The following WWOX variants were observed in gnomAD, a reference collection of about 807,000 sequenced individuals.
WWOX encodes WW domain containing oxidoreductase.
In WWOX, 69 loss-of-function variants were observed where a neutral mutation model predicts 46.2. The observed-to-expected ratio is 1.49, with a 90% CI of 1.23 to 1.82. WWOX has a LOEUF of 1.82. Ranked by LOEUF, WWOX falls within the 40% of genes most tolerant of loss-of-function variation. The pLI is 0.00. For missense variants in WWOX, 919 were observed against 542.6 expected, an observed-to-expected ratio of 1.69 and a Z score of -6.89; for synonymous variants, 359 against 202.6, an observed-to-expected ratio of 1.77 and a Z score of -6.56.
intron 8 of WWOX, among the ~76,000 whole-genome samples, chr16:79,143,293 T>C (rs539626326): frequency 6.6e-6 from 1 of 152,354 alleles, no homozygotes; most frequent in African/African-American, 2.4e-5. Context: ...TGTCAGTATA[T>C]ATTACAAAAA....
chr16:79,206,622 C>G (rs1259731381), intron 8 of WWOX: 1 of 152,190 alleles, frequency 6.6e-6, no homozygotes, highest in East Asian at 1.9e-4. Context: ...ACTGAAAAAG[C>G]CGGGCAGTTT....
At chr16:78,870,447 C>T (rs1053763090) in intron 8 of WWOX, among the ~76,000 whole-genome samples, 14 of 151,880 alleles carry the variant, frequency 9.2e-5, no homozygotes, top group Non-Finnish European at 1.3e-4. Context: ...TGGGGATAAC[C>T]GGAATTGATA....
chr16:78,947,465 C>T (rs891253994), intron 8 of WWOX, among the ~76,000 whole-genome samples: 2 of 152,192 alleles, frequency 1.3e-5, no homozygotes, highest in Admixed American at 6.5e-5. Context: ...AGGAAACGCT[C>T]TCTTCTTCTT....
At chr16:78,491,707 G>A (rs1717282379) in intron 8 of WWOX, among the ~76,000 whole-genome samples, 1 of 152,144 alleles carries the variant, frequency 6.6e-6, no homozygotes, top group African/African-American at 2.4e-5. Context: ...CCATCAAAAT[G>A]GGAATCACTG....
intron 8 of WWOX, among the ~76,000 whole-genome samples, chr16:78,565,976 C>T (rs1169814906): frequency 4.7e-5 from 7 of 147,502 alleles, no homozygotes; most frequent in African/African-American, 1.5e-4. Flanking sequence ...ATGGCTTTAA[C>T]ATAATACCAT....
chr16:78,624,223 C>G (rs76763470), intron 8 of WWOX, among the ~76,000 whole-genome samples: 2 of 102,074 alleles, frequency 2.0e-5, no homozygotes, highest in Non-Finnish European at 4.1e-5. Context: ...TTTTTTTTTT[C>G]GTGGAATCAT....
chr16:78,174,127 A>C (rs1270532507), intron 5 of WWOX, among the ~76,000 whole-genome samples: 1 of 152,204 alleles, frequency 6.6e-6, no homozygotes, highest in African/African-American at 2.4e-5. Context: ...ACACTGTATT[A>C]GTCCATTTTC....
chr16:78,939,641 T>C (rs1276799923), intron 8 of WWOX, among the ~76,000 whole-genome samples: 1 of 152,262 alleles, frequency 6.6e-6, no homozygotes, highest in African/African-American at 2.4e-5. Context: ...AATGATCAAA[T>C]ATCGAATTAT....
intron 6 of WWOX, among the ~76,000 whole-genome samples, chr16:78,403,683 C>T (rs1193120040): frequency 2.0e-5 from 3 of 152,200 alleles, no homozygotes; most frequent in African/African-American, 7.2e-5. Context: ...CTGGATGAGG[C>T]ACTGCTTCGC....
intron 8 of WWOX, among the ~76,000 whole-genome samples, chr16:79,023,853 G>A (rs570664431): frequency 6.6e-6 from 1 of 152,120 alleles, no homozygotes; most frequent in African/African-American, 2.4e-5. Flanking sequence ...CTACTCGGGA[G>A]GCTGAGGCAG....
At chr16:78,922,222 G>T (rs908344916) in intron 8 of WWOX, among the ~76,000 whole-genome samples, 1 of 152,024 alleles carries the variant, frequency 6.6e-6, no homozygotes, top group Non-Finnish European at 1.5e-5. Context: ...AAGCAATATT[G>T]TTGGTCCTTT....
At chr16:78,915,239 G>C (rs894402428) in intron 8 of WWOX, among the ~76,000 whole-genome samples, 2 of 152,140 alleles carry the variant, frequency 1.3e-5, no homozygotes, top group African/African-American at 4.8e-5. Flanking sequence ...CCGATTAAGA[G>C]GGTTCCCTTT....
intron 8 of WWOX, among the ~76,000 whole-genome samples, chr16:79,074,229 A>G (rs937533641): frequency 3.3e-5 from 5 of 151,630 alleles, no homozygotes; most frequent in African/African-American, 4.9e-5. Context: ...CTGGATTTCT[A>G]TTTTTTTAAA....
intron 8 of WWOX, among the ~76,000 whole-genome samples, chr16:79,075,039 C>T (rs888914928): frequency 6.6e-6 from 1 of 152,156 alleles, no homozygotes; most frequent in Admixed American, 6.5e-5. Context: ...CAGAGAAACT[C>T]AGTATGAAAA....
chr16:78,481,762 T>TGTGTGTGTGTGC (rs1555547259), intron 8 of WWOX, among the ~76,000 whole-genome samples: 2 of 147,190 alleles, frequency 1.4e-5, no homozygotes, highest in Non-Finnish European at 3.0e-5. Context: ...TGTGTGTGTG[T>TGTGTGTGTGTGC]GTGCGCGCGC....
chr16:78,388,228 A>G (rs2082099790), intron 6 of WWOX, among the ~76,000 whole-genome samples: 1 of 152,120 alleles, frequency 6.6e-6, no homozygotes, highest in Non-Finnish European at 1.5e-5. Flanking sequence ...ATAGGGTTTC[A>G]CCATATTGGT....
chr16:79,131,770 A>T (rs565137466), intron 8 of WWOX, among the ~76,000 whole-genome samples: 38 of 152,258 alleles, frequency 2.5e-4, no homozygotes, highest in East Asian at 2.3e-3. Context: ...ACACTGCTTG[A>T]TAAAAACATA....
chr16:78,937,759 G>A (rs1029863329), intron 8 of WWOX, among the ~76,000 whole-genome samples: 2 of 151,570 alleles, frequency 1.3e-5, no homozygotes, highest in African/African-American at 4.9e-5. Context: ...TGAGTAGCTG[G>A]GACTACAGGC....
chr16:78,543,782 T>C (rs918001568), intron 8 of WWOX, among the ~76,000 whole-genome samples: 2 of 152,144 alleles, frequency 1.3e-5, no homozygotes, highest in Non-Finnish European at 2.9e-5. Context: ...GACAATACAC[T>C]GATGAGAATT....
Sources: allele counts gnomAD v4.1 joint callset (sites outside exome capture counted in the v4.1 genomes callset), GRCh38; gene constraint gnomAD v4.1.1; transcripts MANE v1.5; gene names NCBI Gene and HGNC (gene_info 2026-07-23, HGNC 2026-07-21).